The following TMEM200A variants were observed in gnomAD, a reference collection of about 807,000 sequenced individuals.
TMEM200A encodes two transmembrane C.
In TMEM200A, 12 loss-of-function variants were observed where a neutral mutation model predicts 24.3. That is an observed-to-expected ratio of 0.49 (90% CI 0.32 to 0.80). The LOEUF (loss-of-function observed/expected upper bound fraction) is 0.80, where lower values mean the gene tolerates loss of function less well. Ranked by LOEUF, TMEM200A falls within the 30% of genes least tolerant of loss-of-function variation. The probability of loss-of-function intolerance (pLI) is 0.04; values close to 1 mark genes in which losing one functional copy is unlikely to be tolerated. For synonymous variants in TMEM200A, 224 were observed against 224.4 expected, an observed-to-expected ratio of 1.00 and a Z score of 0.02; for missense variants, 545 against 614.4, an observed-to-expected ratio of 0.89 and a Z score of 1.19.
chr6:130,414,813 C>T (rs1779411476), intron 2 of TMEM200A, among the ~76,000 whole-genome samples: 1 of 152,108 alleles, frequency 6.6e-6, no homozygotes, highest in African/African-American at 2.4e-5. Context: ...AACTTGTGAA[C>T]AAAATGTTCC....
chr6:130,418,982 C>G (rs936479083), intron 2 of TMEM200A, among the ~76,000 whole-genome samples: 1 of 152,006 alleles, frequency 6.6e-6, no homozygotes, highest in Non-Finnish European at 1.5e-5. Flanking sequence ...CTATAGCTGC[C>G]CTACTCTGCT....
chr6:130,371,397 G>C (rs751774432), intron 1 of TMEM200A, among the ~76,000 whole-genome samples: 20 of 152,142 alleles, frequency 1.3e-4, no homozygotes, highest in South Asian at 8.3e-4. Flanking sequence ...CCATTAAGCA[G>C]TACAGCTGGA....
At chr6:130,429,177 G>A (rs1779816786) in intron 2 of TMEM200A, among the ~76,000 whole-genome samples, 1 of 152,212 alleles carries the variant, frequency 6.6e-6, no homozygotes, top group East Asian at 1.9e-4. Context: ...AAATTATAAA[G>A]TTCATGTGCA....
At chr6:130,423,905 A>AATT (rs897544318) in intron 2 of TMEM200A, among the ~76,000 whole-genome samples, 1 of 152,116 alleles carries the variant, frequency 6.6e-6, no homozygotes, top group Non-Finnish European at 1.5e-5. Context: ...CAGTTTTGAT[A>AATT]ATTTCTTATA....
chr6:130,371,756 A>T (rs1436400499), intron 1 of TMEM200A, among the ~76,000 whole-genome samples: 1 of 152,222 alleles, frequency 6.6e-6, no homozygotes, highest in Admixed American at 6.5e-5. Flanking sequence ...AGTTGAACAG[A>T]TGGGCAGATC....
chr6:130,390,531 A>G (rs557516430), intron 2 of TMEM200A, among the ~76,000 whole-genome samples: 45 of 152,266 alleles, frequency 3.0e-4, no homozygotes, highest in Non-Finnish European at 5.4e-4. Context: ...ATGATAAAGT[A>G]TGTTAAAAAG....
chr6:130,409,138 T>C (rs1446104963), intron 2 of TMEM200A, among the ~76,000 whole-genome samples: 2 of 152,214 alleles, frequency 1.3e-5, no homozygotes, highest in Admixed American at 1.3e-4. Flanking sequence ...GGCTTCATGG[T>C]GGTCTAAGGT....
At chr6:130,423,858 C>T (rs950046836) in intron 2 of TMEM200A, among the ~76,000 whole-genome samples, 6 of 152,020 alleles carry the variant, frequency 3.9e-5, no homozygotes, top group East Asian at 1.9e-4. Flanking sequence ...TGTTTGTTTT[C>T]GCTTCTGTTT....
Position 130,409,033 on chromosome 6 carries a change from T to C in TMEM200A, c.-17+23797T>C, listed in dbSNP as rs1056994014. 2.5e-4 allele frequency among the ~76,000 whole-genome samples: 38 copies of C among 152,292 alleles called. No individual in the cohort carries two copies. In the Middle Eastern group the frequency reaches 0.01, roughly 41 times the overall value. On this transcript the variant is annotated intron_variant, in intron 2 of 2. Transcript: ENST00000296978. ...TCTGTCTCACATGGCACTCCTCTAATGGGCAGTCCTTGTTTGATACTTTCT... is the reference window on the plus strand; with the variant it reads ...TCTGTCTCACATGGCACTCCTCTAACGGGCAGTCCTTGTTTGATACTTTCT...
intron 2 of TMEM200A, among the ~76,000 whole-genome samples, chr6:130,418,960 C>T (rs143200595): frequency 5.7e-4 from 87 of 152,186 alleles, no homozygotes; most frequent in African/African-American, 1.9e-3. Context: ...ATGTACGATA[C>T]GTTGTTGTTA....
At chr6:130,382,398 A>G (rs1778620978) in intron 1 of TMEM200A, among the ~76,000 whole-genome samples, 1 of 152,114 alleles carries the variant, frequency 6.6e-6, no homozygotes, top group Non-Finnish European at 1.5e-5. Flanking sequence ...CTCTGCCTGG[A>G]TGGGAAATCC....
intron 2 of TMEM200A, among the ~76,000 whole-genome samples, chr6:130,393,764 A>G (rs1487151614): frequency 2.6e-5 from 4 of 152,220 alleles, no homozygotes; most frequent in Non-Finnish European, 5.9e-5. Flanking sequence ...TGACCAAAAC[A>G]CCATTTAGTA....
At chr6:130,391,445 T>C (rs1778830044) in intron 2 of TMEM200A, among the ~76,000 whole-genome samples, 1 of 152,220 alleles carries the variant, frequency 6.6e-6, no homozygotes, top group African/African-American at 2.4e-5. Flanking sequence ...AAATCTGGGA[T>C]AGGATACCTG....
At chr6:130,385,678 G>A (rs1358734402) in intron 2 of TMEM200A, among the ~76,000 whole-genome samples, 1 of 152,002 alleles carries the variant, frequency 6.6e-6, no homozygotes, top group Non-Finnish European at 1.5e-5. Context: ...CATTTGTTCT[G>A]CTTGGAATAA....
rs75042060 is a variant in TMEM200A, at chr6:130,371,402, G to A, written c.-81+4878G>A. 4.1e-3 allele frequency among the ~76,000 whole-genome samples: 624 copies of A among 152,278 alleles called. 7 individuals carry two copies. Among genetic ancestry groups the A allele is most frequent in the African/African-American group, 0.014 (580 of 41,550 alleles). ...GGTTATGAGGCCATTAAGCAGTACA[G>A]CTGGAATTCAAACCCTGGCAGTCGG... On this transcript the variant is annotated intron_variant, in intron 1 of 2. Transcript: ENST00000296978.
chr6:130,417,601 TAACA>T (rs753261397), intron 2 of TMEM200A, among the ~76,000 whole-genome samples: 60 of 152,262 alleles, frequency 3.9e-4, no homozygotes, highest in African/African-American at 1.2e-3. Flanking sequence ...ACAACATATC[TAACA>T]AACAACTCTT....
At chr6:130,421,703 C>T (rs1196548587) in intron 2 of TMEM200A, among the ~76,000 whole-genome samples, 1 of 152,146 alleles carries the variant, frequency 6.6e-6, no homozygotes, top group Non-Finnish European at 1.5e-5. Flanking sequence ...CCATTCCTCC[C>T]TTCACCCCTG....
rs377675290 is a variant in TMEM200A at position 130,441,863 on chromosome 6, A to C, written c.1441A>C (p.Asn481His). The C allele has an allele frequency of 7.3e-5, 118 of 1,610,524 alleles. No homozygotes were observed. The highest frequency in any genetic ancestry group is 9.7e-5 in the Non-Finnish European group (114 of 1,178,690). ...SFEHDEFLSN[N>H]LKRGTSETRF ...TGAACATGATGAGTTTTTGAGTAACAACCTAAAGAGGGGAACTTCTGAAAC... is the reference window on the plus strand; with the variant it reads ...TGAACATGATGAGTTTTTGAGTAACCACCTAAAGAGGGGAACTTCTGAAAC... The change falls in exon 3 of 3, where the codon AAC becomes CAC. Residue 481 changes from asparagine to histidine, a missense_variant. Asn to His is a moderately conservative substitution (Grantham distance 68). Transcript: ENST00000296978.
At chr6:130,440,041 T>TGAGA (rs933978010) in intron 2 of TMEM200A, among the ~76,000 whole-genome samples, 2 of 149,572 alleles carry the variant, frequency 1.3e-5, no homozygotes, top group African/African-American at 4.9e-5. Context: ...TGTGTGTGTG[T>TGAGA]GAGAGAGAGA....
Sources: gnomAD v4.1 joint callset for allele counts (sites outside exome capture counted in the v4.1 genomes callset) on GRCh38, gnomAD v4.1.1 for gene constraint, MANE v1.5 for transcripts, NCBI Gene and HGNC (gene_info 2026-07-23, HGNC 2026-07-21) for gene names.